Variants in TM9SF4 observed in about 807,000 individuals in gnomAD.
TM9SF4 encodes dinucleotide oxidase disulfide thiol exchanger 3 superfamily member 4.
A neutral mutation model predicts 90.4 loss-of-function variants in TM9SF4; 26 were observed. The observed-to-expected ratio is 0.29, with a 90% confidence interval of 0.21 to 0.40. The LOEUF is 0.40. TM9SF4 is among the 10% of genes least tolerant of loss of function. The pLI is 1.00. For synonymous variants in TM9SF4, 293 were observed against 315.4 expected (o/e 0.93, Z 0.75); for missense variants, 549 against 834.8 (o/e 0.66, Z 4.22).
intron 3 of TM9SF4, among the ~76,000 whole-genome samples, chr20:32,140,421 G>A (rs985057056): frequency 2.0e-5 from 3 of 152,206 alleles, no homozygotes; most frequent in East Asian, 3.8e-4. Flanking sequence ...ACCAGGATCT[G>A]AAGACACAGA....
At chr20:32,131,470 A>G (rs1158249333) in intron 1 of TM9SF4, among the ~76,000 whole-genome samples, 1 of 143,146 alleles carries the variant, frequency 7.0e-6, no homozygotes, top group Non-Finnish European at 1.5e-5. Context: ...TGAGTTTCAC[A>G]GAGTCATCAG....
At chr20:32,157,754 A>ATCAGGGCCTCGTGGGGGCC (rs1160662172) in intron 13 of TM9SF4, 40 bp from the exon 14 acceptor site, 1 of 1,608,192 alleles carries the variant, frequency 6.2e-7, no homozygotes, top group Non-Finnish European at 8.5e-7. Flanking sequence ...CATCCCGGGC[A>ATCAGGGCCTCGTGGGGGCC]TCAGGGCCTC....
intron 12 of TM9SF4, among the ~76,000 whole-genome samples, chr20:32,153,015 G>A (rs1259787642): frequency 6.6e-6 from 1 of 152,180 alleles, no homozygotes; most frequent in East Asian, 1.9e-4. Context: ...ACAAAGGAAG[G>A]GAGGAAGTGA....
intron 16 of TM9SF4, 58 bp downstream of exon 16, chr20:32,160,169 G>C: frequency 6.2e-7 from 1 of 1,610,950 alleles, no homozygotes; most frequent in Admixed American, 1.7e-5. Flanking sequence ...CATTGAACGG[G>C]TTGATGAGGC....
At chr20:32,146,923 T>C (rs907313738) in intron 9 of TM9SF4, 68 bp downstream of exon 9, 64 of 1,405,116 alleles carry the variant, frequency 4.6e-5, no homozygotes, top group Middle Eastern at 3.5e-4. Context: ...TGTGTGCATA[T>C]GTTTGTGTAT....
chr20:32,159,880 C>T (rs1377437767), intron 15 of TM9SF4, 112 bp from the exon 16 acceptor site: 7 of 1,463,196 alleles, frequency 4.8e-6, no homozygotes, highest in Non-Finnish European at 6.6e-6. Context: ...GGCCCACGGG[C>T]CCTGATGGTG....
chr20:32,157,785 T>C lies in TM9SF4; in HGVS notation c.1330-9T>C. 1 of 1,613,740 alleles carries C rather than the reference T, an allele frequency of 6.2e-7. No individual in the cohort carries two copies. Among genetic ancestry groups the C allele is most frequent in the Non-Finnish European group, 8.5e-7 (1 of 1,179,732 alleles). On this transcript the variant is annotated splice_polypyrimidine_tract_variant and intron_variant, in intron 13 of 17. Transcript: ENST00000398022. Reference sequence around the variant, plus strand: ...GCCTCGTGGGGGCCTCATGGTGCCATGTCTACAGGTGCCCTTTCCCACCAT... The same window carrying C: ...GCCTCGTGGGGGCCTCATGGTGCCACGTCTACAGGTGCCCTTTCCCACCAT...
chr20:32,155,268 C>G (rs550968162), intron 13 of TM9SF4, 82 bp downstream of exon 13: 1 of 1,129,860 alleles, frequency 8.9e-7, no homozygotes, highest in East Asian at 2.3e-5. Context: ...AAAGCCACTT[C>G]CTGCCATTCC....
chr20:32,139,398 C>G (rs893460067), intron 3 of TM9SF4, among the ~76,000 whole-genome samples: 2 of 152,184 alleles, frequency 1.3e-5, no homozygotes, highest in Non-Finnish European at 2.9e-5. Flanking sequence ...CTAATATGCA[C>G]CATCCCTCAC....
At chr20:32,154,493 G>A (rs1365909699) in intron 12 of TM9SF4, among the ~76,000 whole-genome samples, 11 of 149,364 alleles carry the variant, frequency 7.4e-5, no homozygotes, top group East Asian at 2.0e-4. Flanking sequence ...TCGCTCTGTC[G>A]CGCAGGCTGG....
intron 1 of TM9SF4, among the ~76,000 whole-genome samples, chr20:32,119,847 G>A (rs985729203): frequency 2.0e-5 from 3 of 152,058 alleles, no homozygotes; most frequent in East Asian, 3.8e-4. Flanking sequence ...ATTTTTGTGT[G>A]TATGTTCTGA....
At chr20:32,150,564 G>A (rs962255599) in intron 10 of TM9SF4, 58 bp from the exon 11 acceptor site, 2 of 1,606,762 alleles carry the variant, frequency 1.2e-6, no homozygotes, top group South Asian at 2.2e-5. Context: ...TGGGGCTAGA[G>A]GCCTGGTGAT....
intron 9 of TM9SF4, 54 bp downstream of exon 9, chr20:32,146,909 C>T (rs557210893): frequency 5.3e-6 from 8 of 1,502,338 alleles, no homozygotes; most frequent in Middle Eastern, 1.7e-4. Flanking sequence ...GGAGGAGGAC[C>T]GTGTGTGTGC....
At position 32,142,965 on chromosome 20, in the gene TM9SF4, C is replaced by T. The variant is rs756879539; in HGVS notation, c.529-17C>T. The T allele has an allele frequency of 5.6e-6, 9 of 1,612,060 alleles. No individual in the cohort carries two copies. Among genetic ancestry groups the T allele is most frequent in the Non-Finnish European group, 7.6e-6 (9 of 1,178,814 alleles). On this transcript the variant is annotated splice_polypyrimidine_tract_variant and intron_variant, in intron 5 of 17. Coordinates refer to ENST00000398022, the MANE Select transcript of TM9SF4 (RefSeq NM_014742.4). The stretch of plus-strand genomic sequence containing the variant: ...TAAGTGATGTTCTGTTGTGCTTTCT[C>T]TGTTGCTGTGTTTCAGATCTACCTG...
At chr20:32,157,478 A>G (rs2046944593) in intron 13 of TM9SF4, among the ~76,000 whole-genome samples, 1 of 152,184 alleles carries the variant, frequency 6.6e-6, no homozygotes, top group Non-Finnish European at 1.5e-5. Flanking sequence ...ATAATGTGCC[A>G]CATGTAATCT....
chr20:32,140,163 C>T (rs1333572601), intron 3 of TM9SF4, among the ~76,000 whole-genome samples: 3 of 152,204 alleles, frequency 2.0e-5, no homozygotes, highest in Admixed American at 6.5e-5. Context: ...AGGAAAAGTG[C>T]GAGACCAAGT....
chr20:32,142,887 T>C, intron 5 of TM9SF4, 95 bp from the exon 6 acceptor site: 2 of 1,520,648 alleles, frequency 1.3e-6, no homozygotes, highest in Non-Finnish European at 1.8e-6. Context: ...GGAAGGTTGG[T>C]ACAACCAGGC....
Position 32,146,808 on chromosome 20 carries a change from C to G in TM9SF4, c.907C>G (p.Arg303Gly). 3 of 1,614,020 alleles carry G rather than the reference C, an allele frequency of 1.9e-6. No individual in the cohort carries two copies. Among genetic ancestry groups the G allele is most frequent in the Non-Finnish European group, 1.7e-6 (2 of 1,179,988 alleles). The change falls in exon 9 of 18, where the codon CGG (arginine) becomes GGG (glycine). Residue 303 changes from arginine (R) to glycine (G), a missense_variant. Arg to Gly is a moderately radical substitution (Grantham distance 125). This residue lies in a region of TM9SF4 where 495 missense variants were observed against 711.7 expected (regional missense o/e 0.70). Coordinates refer to ENST00000398022, the MANE Select transcript of TM9SF4 (RefSeq NM_014742.4). The part of the protein sequence containing the change: ...LSGILSMIII[R>G]TLRKDIANYN... ...AGGTATCCTGAGCATGATTATCATT[C>G]GGACCCTCCGGAAGGACATTGCCAA...
At chr20:32,118,880 C>CG (rs2046266001) in intron 1 of TM9SF4, among the ~76,000 whole-genome samples, 1 of 152,004 alleles carries the variant, frequency 6.6e-6, no homozygotes, top group Non-Finnish European at 1.5e-5. Context: ...CCACCTGCCT[C>CG]GGCCTTACAA....
Sources: gnomAD v4.1 joint callset for allele counts (sites outside exome capture counted in the v4.1 genomes callset) on GRCh38, gnomAD v4.1.1 for gene constraint, gnomAD v4.1.1 regional missense constraint, MANE v1.5 for transcripts, NCBI Gene and HGNC (gene_info 2026-07-23, HGNC 2026-07-21) for gene names.